Variants in RRP1B observed in about 807,000 individuals in gnomAD.
RRP1B encodes the protein ribosomal RNA processing protein 1 homolog B.
RRP1B carries 56 observed loss-of-function variants against 80.2 expected under a neutral mutation model. The observed-to-expected ratio is 0.70, with a 90% CI of 0.56 to 0.87. The LOEUF (loss-of-function observed/expected upper bound fraction) is 0.87. RRP1B is among the 40% of genes least tolerant of loss of function. The pLI is 0.00. For missense variants in RRP1B, 807 were observed against 939.8 expected (o/e 0.86, Z 1.85); for synonymous variants, 351 against 357.6 (o/e 0.98, Z 0.21).
At position 43,693,409 on chromosome 21, in the gene RRP1B, A is replaced by T. The variant is rs1400120806; in HGVS notation, c.*26A>T. The T allele has an allele frequency of 6.6e-6, 10 of 1,513,092 alleles. No homozygotes were observed. The highest frequency in any genetic ancestry group is 8.0e-6 in the Non-Finnish European group (9 of 1,131,438). 93.7% of individuals were successfully genotyped at this position (1,513,092 alleles called of 1,614,324 possible). ...GGAGCAGCAGAGTCCCTTGTAAAAG[A>T]CTGCTTTTGTACAGAATGCGCTATA... is the stretch of plus-strand genomic sequence containing the variant. On this transcript the variant is annotated 3_prime_UTR_variant, in exon 16 of 16. Transcript: ENST00000340648. This position sits in a 1 kb window ranked among gnomAD's most constrained non-coding sequence, Gnocchi z 4.1.
At chr21:43,664,193 C>CT (rs761073237) in intron 1 of RRP1B, among the ~76,000 whole-genome samples, 1 of 152,026 alleles carries the variant, frequency 6.6e-6, no homozygotes. Context: ...AATCCCAACA[C>CT]TTTGGGAAGC....
At chr21:43,681,905 C>T (rs1016000045) in intron 8 of RRP1B, among the ~76,000 whole-genome samples, 1 of 152,198 alleles carries the variant, frequency 6.6e-6, no homozygotes, top group African/African-American at 2.4e-5. Context: ...GAATCATGAT[C>T]GTGTCACTGC....
At chr21:43,685,874 C>T in intron 11 of RRP1B, 85 bp downstream of exon 11, 2 of 1,494,776 alleles carry the variant, frequency 1.3e-6, no homozygotes, top group Non-Finnish European at 9.0e-7. Flanking sequence ...CGCTGAGAAA[C>T]AAGATTGAAA....
At chr21:43,660,924 A>G (rs1334963137) in intron 1 of RRP1B, among the ~76,000 whole-genome samples, 1 of 152,214 alleles carries the variant, frequency 6.6e-6, no homozygotes, top group Non-Finnish European at 1.5e-5. Flanking sequence ...GAGTGAGCCC[A>G]TACAATATGA....
In RRP1B at chr21:43,693,686, A is replaced by G. The variant is rs2083096053; in HGVS notation, c.*303A>G. ...GACCCTCTCTGAAGCTGAGGAGAGC[A>G]CGTTGATCTGAACTTTAAATCAATC... On this transcript the variant is annotated 3_prime_UTR_variant, in exon 16 of 16. Transcript: ENST00000340648. The surrounding 1 kb of genome is among the most constrained non-coding windows in gnomAD (Gnocchi z 4.1). 2 of 300,758 alleles carry G rather than the reference A, an allele frequency of 6.6e-6. No individual in the cohort carries two copies. The highest frequency in any genetic ancestry group is 1.1e-4 in the Admixed American group (2 of 18,830). 18.6% of individuals were successfully genotyped at this position (300,758 alleles called of 1,614,324 possible). A position where few individuals can be genotyped will look rare whatever the true frequency, so the allele number is the denominator to read the frequency against.
In RRP1B at chr21:43,676,847, C is replaced by A; in HGVS notation, c.729C>A (p.Asp243Glu). 1 of 1,614,208 alleles carries A rather than the reference C, an allele frequency of 6.2e-7. No individual in the cohort carries two copies. Among genetic ancestry groups the A allele is most frequent in the Non-Finnish European group, 8.5e-7 (1 of 1,180,030 alleles). The change falls in exon 8 of 16, where the codon GAC (aspartate) becomes GAA (glutamate). Residue 243 changes from aspartate (D) to glutamate (E), a missense_variant. Physicochemically the swap from Asp to Glu is conservative, Grantham distance 45. Coordinates refer to ENST00000340648, the MANE Select transcript of RRP1B (RefSeq NM_015056.3). ...EEQKTKVGDGDLSAEEIPENE... is the reference protein window; with the variant it reads ...EEQKTKVGDGELSAEEIPENE... ...AGAAGACAAAAGTGGGTGATGGTGACCTCTCTGCTGAGGAGATACCTGAAA... is the reference window on the plus strand; with the variant it reads ...AGAAGACAAAAGTGGGTGATGGTGAACTCTCTGCTGAGGAGATACCTGAAA...
At chr21:43,684,361 G>A (rs531456628) in intron 9 of RRP1B, among the ~76,000 whole-genome samples, 192 bp from the exon 10 acceptor site, 8 of 152,174 alleles carry the variant, frequency 5.3e-5, no homozygotes, top group African/African-American at 1.4e-4. Context: ...ATGAGCCACC[G>A]CGCCCGGCCT....
chr21:43,672,105 C>T (rs771246831), intron 2 of RRP1B, among the ~76,000 whole-genome samples: 3 of 152,136 alleles, frequency 2.0e-5, no homozygotes, highest in African/African-American at 4.8e-5. Flanking sequence ...GCAGACATAC[C>T]AAGTTAGCAT....
At chr21:43,688,312 C>A in intron 13 of RRP1B, 72 bp downstream of exon 13, 1 of 1,458,528 alleles carries the variant, frequency 6.9e-7, no homozygotes, top group Non-Finnish European at 9.1e-7. Flanking sequence ...TCCACTGCCT[C>A]CTGAGAGGAA....
chr21:43,676,205 C>G (rs2083021824), intron 6 of RRP1B, 67 bp from the exon 7 acceptor site: 7 of 1,149,486 alleles, frequency 6.1e-6, no homozygotes, highest in Non-Finnish European at 7.8e-6. Flanking sequence ...GGGAATGGTC[C>G]CTTTTTCAAG....
intron 2 of RRP1B, among the ~76,000 whole-genome samples, chr21:43,670,241 A>T (rs1259146314): frequency 6.6e-6 from 1 of 152,224 alleles, no homozygotes; most frequent in Non-Finnish European, 1.5e-5. Flanking sequence ...GTTTTACATT[A>T]CTTAAAGTTT....
At position 43,687,693 on chromosome 21, in the gene RRP1B, A is replaced by G; in HGVS notation, c.1319A>G (p.Lys440Arg). 6.2e-7 allele frequency: 1 copy of G among 1,609,616 alleles called. No individual in the cohort carries two copies. The highest frequency in any genetic ancestry group is 8.5e-7 in the Non-Finnish European group (1 of 1,177,558). Residue 440 changes from lysine to arginine, a missense_variant, in exon 13 of 16, where the codon AAG (lysine) becomes AGG (arginine). Transcript: ENST00000340648. ...EPEASGLKALKARVAEPGAEA... is the reference protein window; with the variant it reads ...EPEASGLKALRARVAEPGAEA... Reference sequence around the variant, plus strand: ...GAGGCCTCTGGGCTGAAAGCCCTGAAGGCACGTGTGGCCGAGCCAGGTGCA... The same window carrying G: ...GAGGCCTCTGGGCTGAAAGCCCTGAGGGCACGTGTGGCCGAGCCAGGTGCA...
In RRP1B at chr21:43,681,592, C is replaced by A. The variant is rs113658671; in HGVS notation, c.797-1687C>A. ...TCAGTTGATCCGCCCGCCTGGGCCT[C>A]CCAAAGTCTTGGAATTACAGACAGG... On this transcript the variant is annotated intron_variant, in intron 8 of 15. Transcript: ENST00000340648. Among the ~76,000 whole-genome samples the A allele has an allele frequency of 4.7e-3, 720 of 152,222 alleles. 4 individuals carry two copies. Among genetic ancestry groups the A allele is most frequent in the African/African-American group, 0.016 (683 of 41,554 alleles).
At chr21:43,675,896 T>TTTATC (rs1329793922) in intron 6 of RRP1B, among the ~76,000 whole-genome samples, 2 of 150,954 alleles carry the variant, frequency 1.3e-5, no homozygotes, top group African/African-American at 4.9e-5. Flanking sequence ...TTTATTTTAT[T>TTTATC]TTTAGCTCAT....
rs544174633 is a variant in RRP1B, at chr21:43,688,202, G to A, written c.1828G>A (p.Gly610Arg). ...GATGTCAAACTTGGTGGAGCACAACGGGGTGCTGGAGTCCGAAGCTGGGCA... is the reference window on the plus strand; with the variant it reads ...GATGTCAAACTTGGTGGAGCACAACAGGGTGCTGGAGTCCGAAGCTGGGCA... ...RVMSNLVEHN[G>R]VLESEAGQPQ... is the part of the protein sequence containing the mutation. The change falls in exon 13 of 16, where the codon GGG becomes AGG. Residue 610 changes from glycine (G) to arginine (R), a missense_variant. Transcript: ENST00000340648. 6.5e-5 allele frequency: 103 copies of A among 1,574,078 alleles called. 1 individual carries two copies. The highest frequency in any genetic ancestry group is 1.3e-4 in the African/African-American group (10 of 74,390).
Position 43,690,282 on chromosome 21 carries a change from A to T in RRP1B, c.1867-6A>T, listed in dbSNP as rs1438812683. The T allele has an allele frequency of 6.2e-7, 1 of 1,613,912 alleles. No homozygotes were observed. The highest frequency in any genetic ancestry group is 8.5e-7 in the Non-Finnish European group (1 of 1,179,950). On this transcript the variant is annotated splice_polypyrimidine_tract_variant and splice_region_variant and intron_variant, in intron 13 of 15. Transcript: ENST00000340648. ...CTCCTCCGCTTCTCACCCCTCGCTC[A>T]CGTAGGGAAGCAGTGGGACTTGCAG...
intron 1 of RRP1B, 55 bp from the exon 2 acceptor site, chr21:43,669,829 C>G: frequency 7.7e-7 from 1 of 1,301,690 alleles, no homozygotes; most frequent in South Asian, 1.3e-5. Flanking sequence ...ACTTTCTAAA[C>G]TTGAAGAAAA....
rs182505399 is a variant in RRP1B, at chr21:43,663,391, G to A, written c.130+3597G>A. 2.1e-3 allele frequency among the ~76,000 whole-genome samples: 315 copies of A among 151,820 alleles called. 1 individual carries two copies. Among genetic ancestry groups the A allele is most frequent in the African/African-American group, 7.3e-3 (301 of 41,382 alleles). The stretch of plus-strand genomic sequence containing the variant: ...AGCAATTCTCCCGCCTCACCCTCCC[G>A]AGTAGCGAGCGCCCACCACCACGCC... On this transcript the variant is annotated intron_variant, in intron 1 of 15. Coordinates refer to ENST00000340648, the MANE Select transcript of RRP1B (RefSeq NM_015056.3).
Position 43,683,363 on chromosome 21 carries a change from C to G in RRP1B, c.881C>G (p.Pro294Arg), listed in dbSNP as rs765619102. The G allele has an allele frequency of 6.2e-7, 1 of 1,613,342 alleles. No individual in the cohort carries two copies. Among genetic ancestry groups the G allele is most frequent in the South Asian group, 1.1e-5 (1 of 91,068 alleles). The change falls in exon 9 of 16, where the codon CCC becomes CGC. Residue 294 changes from proline to arginine, a missense_variant. By Grantham distance (103) the Pro-to-Arg change is moderately radical (BLOSUM62 -2). Transcript: ENST00000340648. ...TGTGGAACCTTTGAGGACACAGGGC[C>G]CCTTCTCCAGGTGGGTAGCAGTTGT... ...DDCGTFEDTG[P>R]LLQFDYKAVA...
Sources: allele counts gnomAD v4.1 joint callset (sites outside exome capture counted in the v4.1 genomes callset), GRCh38; gene constraint gnomAD v4.1.1; non-coding constraint Gnocchi (gnomAD v3.1); transcripts MANE v1.5; gene names NCBI Gene and HGNC (gene_info 2026-07-23, HGNC 2026-07-21).